CALN1: variants seen among roughly 807,000 people sequenced by gnomAD.
CALN1 encodes calcium-binding protein 8.
CALN1 carries 17 observed loss-of-function variants against 30.6 expected under a neutral mutation model. The observed-to-expected ratio is 0.56, with a 90% CI of 0.38 to 0.83. The LOEUF is 0.83. Among genes scored for constraint, CALN1 ranks in the 40% least tolerant of loss-of-function variants. The pLI is 0.00. For synonymous variants in CALN1, 156 were observed against 131.4 expected (o/e 1.19, Z -1.28); for missense variants, 291 against 354.9 (o/e 0.82, Z 1.45).
At chr7:71,806,727 C>CG (rs149333610) in intron 6 of CALN1, among the ~76,000 whole-genome samples, 49 of 152,242 alleles carry the variant, frequency 3.2e-4, no homozygotes, top group South Asian at 8.3e-4. Flanking sequence ...AGGACCCCCC[C>CG]CCAGGGAGCT....
At chr7:72,495,103 G>A in the CALN1 span, among the ~76,000 whole-genome samples, 1 of 152,156 alleles carries the variant, frequency 6.6e-6, no homozygotes, top group East Asian at 1.9e-4. Flanking sequence ...TGAATTCTAG[G>A]AGGCAAGAAT....
intron 2 of CALN1, among the ~76,000 whole-genome samples, chr7:72,367,402 T>C (rs115810326): frequency 2.0e-4 from 30 of 152,130 alleles, no homozygotes; most frequent in African/African-American, 6.3e-4. Flanking sequence ...GGTGGGAGGA[T>C]TGCTTCAGCC....
chr7:72,375,680 C>T (rs1210297980), intron 2 of CALN1, among the ~76,000 whole-genome samples: 1 of 152,002 alleles, frequency 6.6e-6, no homozygotes, highest in Non-Finnish European at 1.5e-5. Context: ...CAGTGTCTTG[C>T]TATATTGCCC....
intron 5 of CALN1, among the ~76,000 whole-genome samples, chr7:71,853,451 A>G (rs1196620524): frequency 2.0e-5 from 3 of 152,164 alleles, no homozygotes; most frequent in African/African-American, 7.2e-5. Context: ...TGTGATGAGA[A>G]CATTTAAAAT....
intron 4 of CALN1, among the ~76,000 whole-genome samples, chr7:72,057,297 A>G (rs1157564948): frequency 6.6e-6 from 1 of 152,076 alleles, no homozygotes; most frequent in Admixed American, 6.6e-5. Flanking sequence ...CTTCTCACTA[A>G]TACTGATGGT....
At chr7:71,933,329 A>G (rs180841856) in intron 5 of CALN1, among the ~76,000 whole-genome samples, 50 of 152,338 alleles carry the variant, frequency 3.3e-4, no homozygotes, top group Non-Finnish European at 5.3e-4. Flanking sequence ...TGGGTCCTAC[A>G]TAAAGAAGAC....
intron 2 of CALN1, among the ~76,000 whole-genome samples, chr7:72,345,470 G>GAGGGA (rs199671716): frequency 2.0e-5 from 3 of 148,140 alleles, no homozygotes; most frequent in Non-Finnish European, 3.0e-5. Context: ...AAAAGAAAGA[G>GAGGGA]AGGGAAGGGA....
In CALN1 at chr7:72,213,926, G is replaced by T. The variant is rs992290817; in HGVS notation, c.244+64760C>A. Among the ~76,000 whole-genome samples the T allele has an allele frequency of 2.0e-5, 3 of 152,306 alleles. No individual in the cohort carries two copies. The South Asian group carries it at 6.2e-4, about 32-fold the overall frequency. On this transcript the variant is annotated intron_variant, in intron 3 of 6. Transcript: ENST00000395275. ...ACCAGGGCTACGAGGCAAAGGCGCT[G>T]TTGTGGCATTTGCTCAGCAAGCTGA...
chr7:72,015,697 G>C (rs538780776), intron 5 of CALN1, among the ~76,000 whole-genome samples: 1 of 152,186 alleles, frequency 6.6e-6, no homozygotes, highest in South Asian at 2.1e-4. Flanking sequence ...TCCCACCTCT[G>C]CCTCCTAAAG....
intron 4 of CALN1, among the ~76,000 whole-genome samples, chr7:72,103,545 T>C (rs991890313): frequency 2.0e-5 from 3 of 152,216 alleles, no homozygotes; most frequent in Non-Finnish European, 4.4e-5. Flanking sequence ...ATTTCTTCAG[T>C]AGCTACTTGG....
At chr7:71,845,672 G>T (rs975640906) in intron 5 of CALN1, among the ~76,000 whole-genome samples, 2 of 152,146 alleles carry the variant, frequency 1.3e-5, no homozygotes, top group African/African-American at 4.8e-5. Context: ...GCCCCGTCCA[G>T]AGACTCTGGG....
chr7:72,252,260 C>T (rs1264561071), intron 3 of CALN1, among the ~76,000 whole-genome samples: 1 of 152,126 alleles, frequency 6.6e-6, no homozygotes, highest in Non-Finnish European at 1.5e-5. Flanking sequence ...TCTACACCTA[C>T]CCCGCACCCC....
intron 5 of CALN1, among the ~76,000 whole-genome samples, chr7:71,984,385 A>C (rs1163878815): frequency 6.6e-6 from 1 of 152,228 alleles, no homozygotes; most frequent in Admixed American, 6.5e-5. Context: ...TCATCTCATG[A>C]AATAAACGGT....
chr7:72,343,546 CA>C (rs34463871), intron 2 of CALN1, among the ~76,000 whole-genome samples: 35,962 of 144,594 alleles, frequency 0.25, 5,895 homozygotes, highest in African/African-American at 0.47. Flanking sequence ...GATTCTGTCT[CA>C]AAAAAAAAAA....
intron 4 of CALN1, among the ~76,000 whole-genome samples, chr7:72,039,508 A>G (rs1427595502): frequency 6.6e-6 from 1 of 152,222 alleles, no homozygotes; most frequent in Non-Finnish European, 1.5e-5. Context: ...GCAGGCTACT[A>G]ATCACATTAC....
At chr7:71,994,786 C>T (rs1056088071) in intron 5 of CALN1, among the ~76,000 whole-genome samples, 5 of 151,092 alleles carry the variant, frequency 3.3e-5, no homozygotes, top group Non-Finnish European at 7.4e-5. Context: ...ACATAGAGGA[C>T]GAAAGATTGG....
chr7:72,087,848 G>A (rs1264419543), intron 4 of CALN1, among the ~76,000 whole-genome samples: 4 of 152,128 alleles, frequency 2.6e-5, no homozygotes, highest in Non-Finnish European at 5.9e-5. Context: ...ATGTTTTCCA[G>A]AAAGAAAACT....
At chr7:72,227,180 C>A (rs1793743921) in intron 3 of CALN1, among the ~76,000 whole-genome samples, 1 of 150,848 alleles carries the variant, frequency 6.6e-6, no homozygotes, top group African/African-American at 2.4e-5. Flanking sequence ...CAGCATCATG[C>A]AATATACCTT....
In CALN1 at chr7:72,106,140, C is replaced by T; in HGVS notation, c.388+11G>A. 1 of 1,612,698 alleles carries T rather than the reference C, an allele frequency of 6.2e-7. No individual in the cohort carries two copies. ...ATGTCTCAGGGGAGAAGCTGCTTGTCCGGGTCTTACCGTCCATGTCCAAGC... is the reference window on the plus strand; with the variant it reads ...ATGTCTCAGGGGAGAAGCTGCTTGTTCGGGTCTTACCGTCCATGTCCAAGC... On this transcript the variant is annotated intron_variant, in intron 4 of 6. Transcript: ENST00000395275.
Sources: allele counts gnomAD v4.1 joint callset (sites outside exome capture counted in the v4.1 genomes callset), GRCh38; gene constraint gnomAD v4.1.1; transcripts MANE v1.5; gene names NCBI Gene and HGNC (gene_info 2026-07-23, HGNC 2026-07-21).